Variants in DNAH9 observed in about 807,000 individuals in gnomAD.
DNAH9 encodes the protein DNAH9 variant protein.
Under a neutral mutation model 471.6 loss-of-function variants are expected in DNAH9, and 345 were observed. That is an observed-to-expected ratio of 0.73 (90% confidence interval 0.67 to 0.80). The LOEUF (loss-of-function observed/expected upper bound fraction) is 0.80, where lower values mean the gene tolerates loss of function less well. Ranked by LOEUF, DNAH9 falls within the 30% of genes least tolerant of loss-of-function variation. The probability of loss-of-function intolerance (pLI) is 0.00; values close to 1 mark genes in which losing one functional copy is unlikely to be tolerated. For synonymous variants in DNAH9, 2,093 were observed against 2,123.6 expected, an observed-to-expected ratio of 0.99 and a Z score of 0.40; for missense variants, 5,407 against 5,609.2, an observed-to-expected ratio of 0.96 and a Z score of 1.15.
At position 11,640,672 on chromosome 17, in the gene DNAH9, A is replaced by G. The variant is rs556517225; in HGVS notation, c.1901+288A>G. ...GAGCCAGGGATTTTAAGCTCTGTGG[A>G]GTTCTTCCACACGTCTCCCTTTGAC... On this transcript the variant is annotated intron_variant, in intron 10 of 68. Coordinates refer to ENST00000262442, the MANE Select transcript of DNAH9 (RefSeq NM_001372.4). Among the ~76,000 whole-genome samples, 3 of 152,248 alleles carry G rather than the reference A, an allele frequency of 2.0e-5. No individual in the cohort carries two copies. In the East Asian group the frequency reaches 5.8e-4, roughly 29 times the overall value.
chr17:11,752,762 G>A (rs1002795371), intron 32 of DNAH9, 71 bp from the exon 33 acceptor site: 41 of 1,344,702 alleles, frequency 3.0e-5, no homozygotes, highest in Admixed American at 4.5e-5. Flanking sequence ...TAGCTAAAGG[G>A]GGAAAGCTGT....
In DNAH9 at chr17:11,768,463, A is replaced by G. The variant is rs1968059505; in HGVS notation, c.7181A>G (p.Tyr2394Cys). The change falls in exon 37 of 69, where the codon TAC becomes TGC. Residue 2394 changes from tyrosine to cysteine, a missense_variant. Around this residue, in one of 3 missense-constraint regions of DNAH9, gnomAD observed 4,636 missense variants for 4,900.3 expected, o/e 0.95. Coordinates refer to ENST00000262442, the MANE Select transcript of DNAH9 (RefSeq NM_001372.4). ...GAMVQDQLVD[Y>C]RAEFSKWWLT... The stretch of plus-strand genomic sequence containing the variant: ...TCTTTGTTTTTGCAGCTTGTGGACT[A>G]CCGGGCAGAGTTCAGCAAATGGTGG... 1 of 1,613,772 alleles carries G rather than the reference A, an allele frequency of 6.2e-7. No homozygotes were observed. Among genetic ancestry groups the G allele is most frequent in the East Asian group, 2.2e-5 (1 of 44,856 alleles).
intron 9 of DNAH9, among the ~76,000 whole-genome samples, chr17:11,639,678 CTG>C (rs1240389514): frequency 6.6e-6 from 1 of 152,166 alleles, no homozygotes; most frequent in East Asian, 1.9e-4. Context: ...TCAACCCTGA[CTG>C]TTCAATTAGA....
At chr17:11,965,617 A>G (rs1440121014) in intron 68 of DNAH9, among the ~76,000 whole-genome samples, 1 of 152,224 alleles carries the variant, frequency 6.6e-6, no homozygotes, top group African/African-American at 2.4e-5. Flanking sequence ...AACGCAAACT[A>G]TTCCTGAGGG....
chr17:11,719,518 TG>T, intron 27 of DNAH9, 28 bp downstream of exon 27: 2 of 1,479,076 alleles, frequency 1.4e-6, no homozygotes. Flanking sequence ...TTCCTGGGGG[TG>T]GGGGTGGGGG....
intron 38 of DNAH9, among the ~76,000 whole-genome samples, chr17:11,774,453 G>A (rs1968341097): frequency 6.6e-6 from 1 of 152,148 alleles, no homozygotes; most frequent in South Asian, 2.1e-4. Context: ...GACTGGGGAA[G>A]CCTCACAGTC....
At position 11,793,651 on chromosome 17, in the gene DNAH9, A is replaced by G. The variant is rs1336355788; in HGVS notation, c.8210A>G (p.Lys2737Arg). Residue 2737 changes from lysine (K) to arginine (R), a missense_variant, in exon 42 of 69, where the codon AAG (lysine) becomes AGG (arginine). Lys to Arg is a conservative substitution (Grantham distance 26). Around this residue, in one of 3 missense-constraint regions of DNAH9, gnomAD observed 4,636 missense variants for 4,900.3 expected, o/e 0.95. Coordinates refer to ENST00000262442, the MANE Select transcript of DNAH9 (RefSeq NM_001372.4). ...GATAAAATCCAGACAGAAGTGCTCAAGAAAACTTTTGATGTGAGTATTGCC... is the reference window on the plus strand; with the variant it reads ...GATAAAATCCAGACAGAAGTGCTCAGGAAAACTTTTGATGTGAGTATTGCC... ...LFDKIQTEVL[K>R]KTFDDIEDPV... 3 of 1,611,468 alleles carry G rather than the reference A, an allele frequency of 1.9e-6. No homozygotes were observed. The highest frequency in any genetic ancestry group is 1.7e-4 in the Middle Eastern group (1 of 5,848).
chr17:11,637,067 C>A (rs1025118703), intron 9 of DNAH9, among the ~76,000 whole-genome samples: 15 of 152,086 alleles, frequency 9.9e-5, no homozygotes, highest in African/African-American at 3.6e-4. Flanking sequence ...GATGAGTTGA[C>A]CCTTGATCAG....
At chr17:11,738,201 G>C (rs890998190) in intron 28 of DNAH9, among the ~76,000 whole-genome samples, 1 of 152,154 alleles carries the variant, frequency 6.6e-6, no homozygotes, top group Admixed American at 6.5e-5. Flanking sequence ...GCATGGTGAA[G>C]CTCAAATGAG....
At chr17:11,943,190 G>A (rs1974999659) in intron 67 of DNAH9, among the ~76,000 whole-genome samples, 7 of 151,950 alleles carry the variant, frequency 4.6e-5, no homozygotes, top group Admixed American at 4.6e-4. Context: ...CACTGCACCT[G>A]GCCTACACTG....
intron 4 of DNAH9, among the ~76,000 whole-genome samples, chr17:11,616,315 A>G (rs2150649833): frequency 6.6e-6 from 1 of 152,280 alleles, no homozygotes; most frequent in Non-Finnish European, 1.5e-5. Context: ...CTTCCTAAAT[A>G]GTGTATATTT....
chr17:11,755,458 G>A (rs1230411076), intron 33 of DNAH9, among the ~76,000 whole-genome samples: 1 of 152,220 alleles, frequency 6.6e-6, no homozygotes, highest in South Asian at 2.1e-4. Context: ...CATGAACACG[G>A]GATATTTTTC....
At position 11,962,066 on chromosome 17, in the gene DNAH9, G is replaced by A; in HGVS notation, c.13043G>A (p.Gly4348Asp). ...FTMPSTVWLTGFFNPQSFLTA... is the reference protein window; with the variant it reads ...FTMPSTVWLTDFFNPQSFLTA... ...ATGCCCTCCACTGTGTGGCTGACAG[G>A]CTTCTTCAACCCCCAGTCGTTCCTG... Residue 4348 changes from glycine (G) to aspartate (D), a missense_variant, in exon 68 of 69, where the codon GGC (glycine) becomes GAC (aspartate). Physicochemically the swap from Gly to Asp is moderately conservative, Grantham distance 94. Transcript: ENST00000262442. This position sits in a 1 kb window ranked among gnomAD's most constrained non-coding sequence, Gnocchi z 4.1. The A allele has an allele frequency of 6.2e-7, 1 of 1,614,194 alleles. No individual in the cohort carries two copies. Among genetic ancestry groups the A allele is most frequent in the Non-Finnish European group, 8.5e-7 (1 of 1,180,050 alleles).
chr17:11,939,616 G>C (rs904341872), intron 66 of DNAH9, among the ~76,000 whole-genome samples: 1 of 152,128 alleles, frequency 6.6e-6, no homozygotes, highest in African/African-American at 2.4e-5. Context: ...CAAGATGAGG[G>C]GCAAAGAGTC....
intron 6 of DNAH9, among the ~76,000 whole-genome samples, chr17:11,629,184 G>C (rs1206784794): frequency 6.6e-6 from 1 of 151,190 alleles, no homozygotes; most frequent in Non-Finnish European, 1.5e-5. Context: ...TGCCATGTTG[G>C]TGTCCTGCAC....
intron 19 of DNAH9, among the ~76,000 whole-genome samples, chr17:11,688,546 G>A (rs1327520640): frequency 6.6e-6 from 1 of 152,236 alleles, no homozygotes; most frequent in Admixed American, 6.5e-5. Context: ...GTTGCCTGAA[G>A]CTGATGCAGG....
At position 11,934,509 on chromosome 17, in the gene DNAH9, T is replaced by G. The variant is rs944386301; in HGVS notation, c.12489+438T>G. 3.6e-5 allele frequency among the ~76,000 whole-genome samples: 5 copies of G among 140,364 alleles called. No individual in the cohort carries two copies. The East Asian group carries it at 9.0e-4, about 25-fold the overall frequency. 92.1% of individuals were successfully genotyped at this position (140,364 alleles called of 152,430 possible). On this transcript the variant is annotated intron_variant, in intron 65 of 68. Transcript: ENST00000262442. ...CGCCCAGGCTGGAGTGCAGTGGCGC[T>G]ATCTCTGCTCACTGCAAGCTCCGCC...
chr17:11,806,307 G>C (rs576959950), intron 43 of DNAH9, among the ~76,000 whole-genome samples: 1 of 152,244 alleles, frequency 6.6e-6, no homozygotes, highest in Admixed American at 6.5e-5. Context: ...TGGCTCAACA[G>C]TTTTACTTCT....
rs982669413 is a variant in DNAH9, at chr17:11,937,159, C to T, written c.12490-193C>T. Among the ~76,000 whole-genome samples, 1 of 152,056 alleles carries T rather than the reference C, an allele frequency of 6.6e-6. No homozygotes were observed. Among genetic ancestry groups the T allele is most frequent in the Non-Finnish European group, 1.5e-5 (1 of 68,020 alleles). On this transcript the variant is annotated intron_variant, in intron 65 of 68. Transcript: ENST00000262442. The surrounding 1 kb of genome is among the most constrained non-coding windows in gnomAD (Gnocchi z 4.1). ...AATGTGGAAGTTTTGGGAAACGGGT[C>T]CAGCCGACAAAAATGGATGATGTCA...
Sources: allele counts gnomAD v4.1 joint callset (sites outside exome capture counted in the v4.1 genomes callset), GRCh38; gene constraint gnomAD v4.1.1; regional missense constraint gnomAD v4.1.1; non-coding constraint Gnocchi (gnomAD v3.1); transcripts MANE v1.5; gene names NCBI Gene and HGNC (gene_info 2026-07-23, HGNC 2026-07-21).